PHACTR3: variants seen among roughly 807,000 people sequenced by gnomAD.
PHACTR3 encodes the protein phosphatase and actin regulator 3, also known as protein phosphatase 1, regulatory subunit 123.
A neutral mutation model predicts 66.8 loss-of-function variants in PHACTR3; 16 were observed. That is an observed-to-expected ratio of 0.24 (90% CI 0.16 to 0.36). The LOEUF (loss-of-function observed/expected upper bound fraction) is 0.36, where lower values mean the gene tolerates loss of function less well. Ranked by LOEUF, PHACTR3 falls within the 10% of genes least tolerant of loss-of-function variation. The probability of loss-of-function intolerance (pLI) is 1.00; values close to 1 mark genes in which losing one functional copy is unlikely to be tolerated. For missense variants in PHACTR3, 647 were observed against 719.9 expected (o/e 0.90, Z 1.16); for synonymous variants, 323 against 292.1 (o/e 1.11, Z -1.08).
intron 8 of PHACTR3, among the ~76,000 whole-genome samples, chr20:59,810,619 C>T (rs2041707839): frequency 6.6e-6 from 1 of 152,194 alleles, no homozygotes. Flanking sequence ...TTGCGATTTC[C>T]TTTTTTTAAT....
chr20:59,779,624 T>G (rs1335803186), intron 7 of PHACTR3, among the ~76,000 whole-genome samples: 1 of 152,248 alleles, frequency 6.6e-6, no homozygotes, highest in East Asian at 1.9e-4. Context: ...TCCCTCTCTT[T>G]CCCCTGTTGA....
chr20:59,612,294 C>T (rs932911768), intron 1 of PHACTR3, among the ~76,000 whole-genome samples: 2 of 152,070 alleles, frequency 1.3e-5, no homozygotes, highest in African/African-American at 2.4e-5. Flanking sequence ...GGGTGTGTGC[C>T]TGCTGGGGCG....
chr20:59,676,123 C>G (rs2036441060), intron 1 of PHACTR3, among the ~76,000 whole-genome samples: 1 of 152,244 alleles, frequency 6.6e-6, no homozygotes, highest in African/African-American at 2.4e-5. Context: ...CCAAGGTCCC[C>G]TCTGCCCCAG....
chr20:59,601,175 C>T (rs961179022), upstream of PHACTR3, among the ~76,000 whole-genome samples: 27 of 152,220 alleles, frequency 1.8e-4, no homozygotes, highest in African/African-American at 6.3e-4. Flanking sequence ...CACAGATCTG[C>T]TTTCTGATTG....
chr20:59,772,212 C>T (rs767146940), intron 5 of PHACTR3, among the ~76,000 whole-genome samples: 12 of 152,194 alleles, frequency 7.9e-5, no homozygotes, highest in Non-Finnish European at 1.2e-4. Context: ...CCTGCTGGCC[C>T]GGAGCACATG....
At chr20:59,591,242 C>T (rs1301542728) in intron 1 of PHACTR3, among the ~76,000 whole-genome samples, 2 of 152,152 alleles carry the variant, frequency 1.3e-5, no homozygotes, top group Admixed American at 1.3e-4. Context: ...ACATCTCATC[C>T]TCTCCGAAGG....
chr20:59,815,045 G>A (rs960567662), intron 8 of PHACTR3, among the ~76,000 whole-genome samples: 3 of 152,142 alleles, frequency 2.0e-5, no homozygotes, highest in African/African-American at 7.2e-5. Context: ...GCCAGACCTT[G>A]GGACTGTCCC....
chr20:59,629,664 T>C (rs988550770), intron 1 of PHACTR3, among the ~76,000 whole-genome samples: 2 of 152,356 alleles, frequency 1.3e-5, no homozygotes, highest in Admixed American at 1.3e-4. Flanking sequence ...GCTTCCATCT[T>C]CTGCTCCTTA....
chr20:59,794,941 T>G lies in PHACTR3; in HGVS notation c.1175-11100T>G, dbSNP rs556669504. On this transcript the variant is annotated intron_variant, in intron 7 of 12. Coordinates refer to ENST00000371015, the MANE Select transcript of PHACTR3 (RefSeq NM_080672.5). ...TTCTTAGTCTAAAGATTTGTCAGCT[T>G]TGTCTTTTCAAAAAAACCTCATTTG... Among the ~76,000 whole-genome samples, 6 of 152,264 alleles carry G rather than the reference T, an allele frequency of 3.9e-5. No homozygotes were observed. In the East Asian group the frequency reaches 1.2e-3, roughly 29 times the overall value.
At chr20:59,827,341 G>A (rs781327501) in intron 8 of PHACTR3, among the ~76,000 whole-genome samples, 4 of 152,172 alleles carry the variant, frequency 2.6e-5, no homozygotes, top group Non-Finnish European at 4.4e-5. Context: ...TGTTCCTGGT[G>A]CAGAGGGTGA....
chr20:59,715,306 C>T (rs1292506689), intron 1 of PHACTR3, among the ~76,000 whole-genome samples: 1 of 152,012 alleles, frequency 6.6e-6, no homozygotes. Flanking sequence ...CCTTTTATTC[C>T]TAATCTGCTG....
intron 1 of PHACTR3, among the ~76,000 whole-genome samples, chr20:59,702,858 T>G (rs1246959220): frequency 6.6e-6 from 1 of 152,204 alleles, no homozygotes; most frequent in Non-Finnish European, 1.5e-5. Context: ...CAGCCTGTAT[T>G]TTGGACCTGG....
chr20:59,581,267 G>T (rs551385395), intron 1 of PHACTR3, among the ~76,000 whole-genome samples: 13 of 152,226 alleles, frequency 8.5e-5, no homozygotes, highest in Non-Finnish European at 1.9e-4. Context: ...GAGGCAAAAG[G>T]CAGAGTCATG....
intron 3 of PHACTR3, among the ~76,000 whole-genome samples, chr20:59,754,481 C>A (rs12625517): frequency 6.6e-6 from 1 of 152,224 alleles, no homozygotes; most frequent in South Asian, 2.1e-4. Flanking sequence ...GGGGCAAGGA[C>A]TGTATCTTAC....
At chr20:59,819,583 A>G (rs888488672) in intron 8 of PHACTR3, among the ~76,000 whole-genome samples, 3 of 151,352 alleles carry the variant, frequency 2.0e-5, no homozygotes, top group Admixed American at 1.3e-4. Flanking sequence ...GGTGAGTCTG[A>G]GCCGGGACCC....
rs568551659 is a variant in PHACTR3 at position 59,800,430 on chromosome 20, A to G, written c.1175-5611A>G. Among the ~76,000 whole-genome samples, 5 of 152,282 alleles carry G rather than the reference A, an allele frequency of 3.3e-5. No individual in the cohort carries two copies. In the East Asian group the frequency reaches 9.6e-4, roughly 29 times the overall value. On this transcript the variant is annotated intron_variant, in intron 7 of 12. Transcript: ENST00000371015. ...GAAAGATAGTTTTTCCAAGTATGGA[A>G]TTCCGAGTTGTCTGGGGTTTTTTTT...
chr20:59,621,025 G>A (rs926705499), intron 1 of PHACTR3, among the ~76,000 whole-genome samples: 8 of 152,336 alleles, frequency 5.3e-5, no homozygotes, highest in Non-Finnish European at 1.0e-4. Flanking sequence ...TGTCCCAGAC[G>A]TGGCCACTGG....
intron 4 of PHACTR3, among the ~76,000 whole-genome samples, chr20:59,758,051 C>A (rs2039867856): frequency 6.6e-6 from 1 of 152,146 alleles, no homozygotes; most frequent in African/African-American, 2.4e-5. Flanking sequence ...AGCTGGAACC[C>A]CCCAGGGATG....
chr20:59,705,342 T>C lies in PHACTR3; in HGVS notation c.119-37765T>C, dbSNP rs999325965. Among the ~76,000 whole-genome samples, 4 of 152,170 alleles carry C rather than the reference T, an allele frequency of 2.6e-5. No homozygotes were observed. The South Asian group carries it at 8.3e-4, about 31-fold the overall frequency. On this transcript the variant is annotated intron_variant, in intron 1 of 12. Transcript: ENST00000371015. ...AGGGAGCACAACAATTTATTACGAG[T>C]TTTATTTCTATGTGTTTAATGTTTT...
Sources: gnomAD v4.1 joint callset for allele counts (sites outside exome capture counted in the v4.1 genomes callset) on GRCh38, gnomAD v4.1.1 for gene constraint, MANE v1.5 for transcripts, NCBI Gene and HGNC (gene_info 2026-07-23, HGNC 2026-07-21) for gene names.